The following APOLD1 variants were observed in gnomAD, a reference collection of about 807,000 sequenced individuals.
APOLD1 encodes the protein apolipoprotein L domain-containing protein 1.
APOLD1 carries 22 observed loss-of-function variants against 15.3 expected under a neutral mutation model. The observed-to-expected ratio is 1.44, with a 90% CI of 1.03 to 2.05. APOLD1 has a LOEUF of 2.05. APOLD1 is among the 30% of genes most tolerant of loss of function. The probability of loss-of-function intolerance (pLI) is 0.00; values close to 1 mark genes in which losing one functional copy is unlikely to be tolerated. For synonymous variants in APOLD1, 190 were observed against 167.4 expected, an observed-to-expected ratio of 1.13 and a Z score of -1.04; for missense variants, 394 against 353.5, an observed-to-expected ratio of 1.11 and a Z score of -0.92.
chr12:12,775,138 T>C (rs1947021823), intron 1 of APOLD1, among the ~76,000 whole-genome samples: 1 of 152,218 alleles, frequency 6.6e-6, no homozygotes, highest in Non-Finnish European at 1.5e-5. Context: ...AGCTATCAAG[T>C]CACGAAAAGA....
At chr12:12,750,324 A>T (rs1027532040) in intron 1 of APOLD1, among the ~76,000 whole-genome samples, 2 of 130,638 alleles carry the variant, frequency 1.5e-5, no homozygotes, top group African/African-American at 5.5e-5. Flanking sequence ...GTGAACCAAG[A>T]TCGGGCCATT....
At chr12:12,729,061 A>T (rs1166429398) in intron 1 of APOLD1, among the ~76,000 whole-genome samples, 2 of 152,084 alleles carry the variant, frequency 1.3e-5, no homozygotes, top group Non-Finnish European at 2.9e-5. Context: ...TAATATAATT[A>T]CTGTAAATTT....
In APOLD1 at chr12:12,727,249, G is replaced by A. The variant is rs1946600511; in HGVS notation, c.96+1153G>A. Among the ~76,000 whole-genome samples the A allele has an allele frequency of 2.0e-5, 3 of 152,132 alleles. 1 individual carries two copies. The highest frequency in any genetic ancestry group is 4.4e-5 in the Non-Finnish European group (3 of 68,022). On this transcript the variant is annotated intron_variant, in intron 1 of 1. Transcript: ENST00000326765. The stretch of plus-strand genomic sequence containing the variant: ...ACACCACGTTTCCAAGAATTAGTAT[G>A]AAGAGAAAATGTTAAATATTTCATT...
At chr12:12,737,223 G>GT (rs1555088145) in intron 1 of APOLD1, among the ~76,000 whole-genome samples, 82,906 of 150,260 alleles carry the variant, frequency 0.55, 22,913 homozygotes, top group Non-Finnish European at 0.58. Flanking sequence ...CAACCCAGAG[G>GT]TTTTTTTTTT....
chr12:12,754,876 CAA>C (rs56984147), intron 1 of APOLD1, among the ~76,000 whole-genome samples: 298 of 98,784 alleles, frequency 3.0e-3, no homozygotes, highest in African/African-American at 7.9e-3. Context: ...CTTTGTCTCT[CAA>C]AAAAAAAAAA....
At chr12:12,734,285 G>A (rs1444560629) in intron 1 of APOLD1, among the ~76,000 whole-genome samples, 1 of 152,136 alleles carries the variant, frequency 6.6e-6, no homozygotes, top group Non-Finnish European at 1.5e-5. Flanking sequence ...GCACACTCAG[G>A]GAATCCGCCT....
chr12:12,761,861 A>AGAGAGAGAGAGAGAGT (rs1465812728), intron 1 of APOLD1, among the ~76,000 whole-genome samples: 2 of 145,518 alleles, frequency 1.4e-5, no homozygotes, highest in South Asian at 2.2e-4. Flanking sequence ...AGAGAGAGAG[A>AGAGAGAGAGAGAGAGT]GTCTTGCTCT....
intron 1 of APOLD1, among the ~76,000 whole-genome samples, chr12:12,742,609 T>G (rs1592291980): frequency 6.6e-6 from 1 of 151,970 alleles, no homozygotes; most frequent in African/African-American, 2.4e-5. Flanking sequence ...TACTAAAAAT[T>G]CAAAAATTAG....
chr12:12,731,863 T>A (rs1946643841), intron 1 of APOLD1, among the ~76,000 whole-genome samples: 1 of 152,266 alleles, frequency 6.6e-6, no homozygotes, highest in Non-Finnish European at 1.5e-5. Context: ...AGAGTTTGCA[T>A]GCGTGGAAGC....
chr12:12,736,056 T>C (rs1428764414), intron 1 of APOLD1, among the ~76,000 whole-genome samples: 3 of 151,892 alleles, frequency 2.0e-5, no homozygotes, highest in East Asian at 3.9e-4. Context: ...CCATCTCTAC[T>C]AAAAATACAA....
At chr12:12,773,162 T>G (rs533692836) in intron 1 of APOLD1, among the ~76,000 whole-genome samples, 1 of 152,208 alleles carries the variant, frequency 6.6e-6, no homozygotes, top group South Asian at 2.1e-4. Context: ...AGGGAAATTT[T>G]TGTAGCATTG....
chr12:12,785,747 C>T (rs1947118829), intron 1 of APOLD1, 53 bp downstream of exon 1: 2 of 1,559,528 alleles, frequency 1.3e-6, no homozygotes, highest in Non-Finnish European at 1.8e-6. Context: ...CTCATTTTCT[C>T]TTTTCACCTG....
At chr12:12,731,079 T>G (rs915350941) in intron 1 of APOLD1, among the ~76,000 whole-genome samples, 1 of 152,166 alleles carries the variant, frequency 6.6e-6, no homozygotes, top group Non-Finnish European at 1.5e-5. Flanking sequence ...AGGCGGAGCT[T>G]GCAGTGGGCC....
intron 1 of APOLD1, among the ~76,000 whole-genome samples, chr12:12,736,492 A>C (rs1946687611): frequency 6.6e-6 from 1 of 152,206 alleles, no homozygotes; most frequent in Admixed American, 6.5e-5. Context: ...ACGCCACTGC[A>C]CTCCAGCCTG....
chr12:12,736,368 A>C (rs1363757665), intron 1 of APOLD1, among the ~76,000 whole-genome samples: 2 of 145,464 alleles, frequency 1.4e-5, no homozygotes, highest in African/African-American at 5.2e-5. Context: ...AACAAAACAA[A>C]ACAAAAAAAC....
intron 1 of APOLD1, among the ~76,000 whole-genome samples, chr12:12,752,336 A>T (rs761560155): frequency 2.0e-5 from 3 of 152,166 alleles, no homozygotes; most frequent in Non-Finnish European, 4.4e-5. Flanking sequence ...TACCCATATG[A>T]TGAGATGTGC....
intron 1 of APOLD1, among the ~76,000 whole-genome samples, chr12:12,741,911 C>T (rs1946731342): frequency 6.6e-6 from 1 of 152,186 alleles, no homozygotes; most frequent in Non-Finnish European, 1.5e-5. Context: ...TGGGGCTGTC[C>T]TGTCATTCTT....
At chr12:12,770,796 T>C (rs1338779107) in intron 1 of APOLD1, among the ~76,000 whole-genome samples, 5 of 136,964 alleles carry the variant, frequency 3.7e-5, no homozygotes, top group Non-Finnish European at 6.4e-5. Flanking sequence ...AAAAAAAAAC[T>C]CTACACCTAG....
chr12:12,746,013 C>T (rs769297846), intron 1 of APOLD1, among the ~76,000 whole-genome samples: 5 of 152,068 alleles, frequency 3.3e-5, no homozygotes, highest in Non-Finnish European at 7.3e-5. Flanking sequence ...AGCTAAATCC[C>T]CTGAATGCCA....
Sources: gnomAD v4.1 joint callset for allele counts (sites outside exome capture counted in the v4.1 genomes callset) on GRCh38, gnomAD v4.1.1 for gene constraint, MANE v1.5 for transcripts, NCBI Gene and HGNC (gene_info 2026-07-23, HGNC 2026-07-21) for gene names.